The following LAMP3 variants were observed in gnomAD, a reference collection of about 807,000 sequenced individuals.
LAMP3 encodes lysosome associated membrane protein 3.
LAMP3 carries 26 observed loss-of-function variants against 34.8 expected under a neutral mutation model. That is an observed-to-expected ratio of 0.75 (90% CI 0.55 to 1.04). The LOEUF (loss-of-function observed/expected upper bound fraction) is 1.04, where lower values mean the gene tolerates loss of function less well. LAMP3 is among the 50% of genes least tolerant of loss of function. The pLI is 0.00. For missense variants in LAMP3, 495 were observed against 524.0 expected (o/e 0.94, Z 0.54); for synonymous variants, 180 against 201.9 (o/e 0.89, Z 0.92).
At chr3:183,137,335 T>C (rs1720129268) in intron 4 of LAMP3, among the ~76,000 whole-genome samples, 1 of 151,990 alleles carries the variant, frequency 6.6e-6, no homozygotes, top group African/African-American at 2.4e-5. Context: ...AAATAAATAA[T>C]AATAATAAAA....
At chr3:183,140,279 C>T (rs904642361) in intron 4 of LAMP3, among the ~76,000 whole-genome samples, 2 of 151,788 alleles carry the variant, frequency 1.3e-5, no homozygotes, top group South Asian at 4.2e-4. Flanking sequence ...TGGTGGCACA[C>T]GCCTGTAATC....
At chr3:183,128,927 A>G (rs1719846440) in intron 5 of LAMP3, among the ~76,000 whole-genome samples, 1 of 152,198 alleles carries the variant, frequency 6.6e-6, no homozygotes, top group Non-Finnish European at 1.5e-5. Context: ...TTCATTGTCA[A>G]CAAATATTTT....
chr3:183,126,490 A>G (rs1052766676), intron 5 of LAMP3, among the ~76,000 whole-genome samples: 2 of 152,116 alleles, frequency 1.3e-5, no homozygotes, highest in African/African-American at 4.8e-5. Flanking sequence ...CTTCTATTTG[A>G]ATCAATCACT....
chr3:183,142,400 C>T (rs1344288422), intron 3 of LAMP3, among the ~76,000 whole-genome samples: 1 of 152,100 alleles, frequency 6.6e-6, no homozygotes, highest in African/African-American at 2.4e-5. Context: ...GGAATCTTCC[C>T]TTTGGTGTCT....
rs542265514 is a variant in LAMP3 at position 183,134,326 on chromosome 3, A to G, written c.1117+1391T>C. ...CAGTTAATGATGGTTTTAAGAAAAA[A>G]AAAAATGTAAAGACAAGCGAGCTTT... On this transcript the variant is annotated intron_variant, in intron 5 of 5. Transcript: ENST00000265598. 2.0e-5 allele frequency among the ~76,000 whole-genome samples: 3 copies of G among 152,280 alleles called. No individual in the cohort carries two copies. In the South Asian group the frequency reaches 6.2e-4, roughly 32 times the overall value.
chr3:183,137,959 A>C (rs1259057864), intron 4 of LAMP3, among the ~76,000 whole-genome samples: 1 of 151,910 alleles, frequency 6.6e-6, no homozygotes, highest in Non-Finnish European at 1.5e-5. Flanking sequence ...AGCTGGAATT[A>C]TAGGTGCCCG....
intron 1 of LAMP3, 150 bp from the exon 2 acceptor site, chr3:183,154,541 C>T: frequency 1.6e-6 from 1 of 631,662 alleles, no homozygotes. Context: ...AACAATGAAG[C>T]AAACATCACC....
intron 1 of LAMP3, among the ~76,000 whole-genome samples, chr3:183,155,262 C>T (rs1327218409): frequency 6.6e-6 from 1 of 152,204 alleles, no homozygotes; most frequent in Non-Finnish European, 1.5e-5. Context: ...GCCATGCGTT[C>T]ATCCAATCTA....
intron 3 of LAMP3, among the ~76,000 whole-genome samples, chr3:183,151,295 G>A (rs551059146): frequency 1.2e-4 from 18 of 152,300 alleles, no homozygotes; most frequent in African/African-American, 4.3e-4. Flanking sequence ...GGCAAGCGGG[G>A]GCAAGTCTCT....
At chr3:183,137,433 T>C (rs1240813441) in intron 4 of LAMP3, among the ~76,000 whole-genome samples, 1 of 152,224 alleles carries the variant, frequency 6.6e-6, no homozygotes, top group Non-Finnish European at 1.5e-5. Flanking sequence ...GCTTCTTGAA[T>C]GGTAGAAATT....
intron 5 of LAMP3, among the ~76,000 whole-genome samples, chr3:183,129,321 A>C (rs182504639): frequency 2.0e-3 from 298 of 152,246 alleles, no homozygotes; most frequent in Middle Eastern, 6.8e-3. Flanking sequence ...TTTTAATCCC[A>C]ACTTCAATTA....
chr3:183,124,318 T>C, intron 5 of LAMP3, 104 bp from the exon 6 acceptor site: 1 of 1,063,258 alleles, frequency 9.4e-7, no homozygotes. Flanking sequence ...AAACAAAGCT[T>C]GACTTTTAAC....
At chr3:183,126,978 G>C (rs563341607) in intron 5 of LAMP3, among the ~76,000 whole-genome samples, 139 of 152,318 alleles carry the variant, frequency 9.1e-4, no homozygotes, top group Middle Eastern at 6.8e-3. Flanking sequence ...AAGAGATTAT[G>C]AAGTATGCAT....
chr3:183,149,574 A>AAAATAT (rs1720561533), intron 3 of LAMP3, among the ~76,000 whole-genome samples: 1 of 32,626 alleles, frequency 3.1e-5, no homozygotes, highest in Non-Finnish European at 5.1e-5. Context: ...AAAAAAAAAA[A>AAAATAT]ATATATATAT....
chr3:183,124,136 A>G lies in LAMP3; in HGVS notation c.1196T>C (p.Met399Thr), dbSNP rs746261363. ...CCTTAGGCGGATTTTATAGACACCCATACCCATAAGGCAGAGACCAACCAC... is the reference window on the plus strand; with the variant it reads ...CCTTAGGCGGATTTTATAGACACCCGTACCCATAAGGCAGAGACCAACCAC... Reference protein sequence around the residue: ...AIVVGLCLMGMGVYKIRLRCQ... With the variant: ...AIVVGLCLMGTGVYKIRLRCQ... The change falls in exon 6 of 6, where the codon ATG becomes ACG. Residue 399 changes from methionine to threonine, a missense_variant. Physicochemically the swap from Met to Thr is moderately conservative, Grantham distance 81 (BLOSUM62 -1). Coordinates refer to ENST00000265598, the MANE Select transcript of LAMP3 (RefSeq NM_014398.4). The G allele has an allele frequency of 6.2e-7, 1 of 1,613,908 alleles. No homozygotes were observed. The highest frequency in any genetic ancestry group is 1.1e-5 in the South Asian group (1 of 91,040).
intron 3 of LAMP3, among the ~76,000 whole-genome samples, chr3:183,146,962 G>A (rs1720462445): frequency 6.7e-6 from 1 of 149,370 alleles, no homozygotes; most frequent in Non-Finnish European, 1.5e-5. Flanking sequence ...GAGGGGACAT[G>A]TAAAATATTG....
chr3:183,143,378 G>A (rs551389391), intron 3 of LAMP3, among the ~76,000 whole-genome samples: 83 of 152,350 alleles, frequency 5.4e-4, no homozygotes, highest in Non-Finnish European at 1.0e-3. Flanking sequence ...CTCTCAAGGT[G>A]TTGGGTTGAC....
In LAMP3 at chr3:183,153,912, G is replaced by T; in HGVS notation, c.529C>A (p.His177Asn). The change falls in exon 2 of 6, where the codon CAC becomes AAC. Residue 177 changes from histidine to asparagine, a missense_variant. His to Asn is a moderately conservative substitution (Grantham distance 68, BLOSUM62 1). Coordinates refer to ENST00000265598, the MANE Select transcript of LAMP3 (RefSeq NM_014398.4). ...GGCTTCTGACCGGTTGTGCTTTTGT[G>T]CAGTGCTATCGATAAAGTTGCTGGA... is the stretch of plus-strand genomic sequence containing the variant. ...TLPATLSIALHKSTTGQKPVQ... is the reference protein window; with the variant it reads ...TLPATLSIALNKSTTGQKPVQ... 1 of 1,614,198 alleles carries T rather than the reference G, an allele frequency of 6.2e-7. No individual in the cohort carries two copies. The highest frequency in any genetic ancestry group is 8.5e-7 in the Non-Finnish European group (1 of 1,180,042).
intron 5 of LAMP3, among the ~76,000 whole-genome samples, chr3:183,127,182 TG>T (rs1409324264): frequency 6.6e-6 from 1 of 152,118 alleles, no homozygotes; most frequent in Non-Finnish European, 1.5e-5. Flanking sequence ...TTGCCCAGGC[TG>T]GGGGGCAGTG....
Sources: gnomAD v4.1 joint callset for allele counts (sites outside exome capture counted in the v4.1 genomes callset) on GRCh38, gnomAD v4.1.1 for gene constraint, MANE v1.5 for transcripts, NCBI Gene and HGNC (gene_info 2026-07-23, HGNC 2026-07-21) for gene names.